The following RANBP2 variants were observed in gnomAD, a reference collection of about 807,000 sequenced individuals.
RANBP2 encodes the protein E3 SUMO-protein ligase RanBP2.
In RANBP2, 57 loss-of-function variants were observed where a neutral mutation model predicts 303.6. The ratio of observed to expected loss-of-function variants is 0.19; its 90% CI spans 0.15 to 0.23. RANBP2 has a LOEUF of 0.23. RANBP2 is among the 10% of genes least tolerant of loss of function. RANBP2 has a pLI of 1.00. For synonymous variants in RANBP2, 1,167 were observed against 1,301.5 expected (o/e 0.90, Z 2.23); for missense variants, 3,138 against 3,780.8 (o/e 0.83, Z 4.46).
chr2:109,413,764 G>A, the RANBP2 span, among the ~76,000 whole-genome samples: 1 of 152,234 alleles, frequency 6.6e-6, no homozygotes, highest in Non-Finnish European at 1.5e-5. Context: ...AGACTTCTCT[G>A]TTACTAACTA....
the RANBP2 span, among the ~76,000 whole-genome samples, chr2:109,078,122 T>C: frequency 0.016 from 1,024 of 63,998 alleles, 82 homozygotes; most frequent in Non-Finnish European, 0.019. Flanking sequence ...ATATATAGCG[T>C]GTATATATAT....
At chr2:109,618,790 G>C in the RANBP2 span, 1 of 167,010 alleles carries the variant, frequency 6.0e-6, no homozygotes, top group Non-Finnish European at 1.5e-5. Flanking sequence ...CTTGAAACTA[G>C]TGAGTGTTTG....
At chr2:109,541,911 A>T in the RANBP2 span, among the ~76,000 whole-genome samples, 152 of 152,318 alleles carry the variant, frequency 1.0e-3, 1 homozygote, top group African/African-American at 3.6e-3. Flanking sequence ...CTGGCCCAAT[A>T]GGAACACGGG....
the RANBP2 span, among the ~76,000 whole-genome samples, chr2:109,293,374 A>C: frequency 2.8e-3 from 427 of 152,354 alleles, 5 homozygotes; most frequent in African/African-American, 9.7e-3. Flanking sequence ...AATCTGGGAA[A>C]GGGGCTGCAG....
At chr2:109,490,806 G>T in the RANBP2 span, 1 of 1,536,988 alleles carries the variant, frequency 6.5e-7, no homozygotes, top group Non-Finnish European at 8.7e-7. Context: ...CGAGATGCAG[G>T]GTGCCATGGG....
At chr2:109,251,222 C>G in the RANBP2 span, among the ~76,000 whole-genome samples, 1 of 152,050 alleles carries the variant, frequency 6.6e-6, no homozygotes, top group Non-Finnish European at 1.5e-5. Flanking sequence ...AGGCTGGTCT[C>G]GAACTCCTTA....
chr2:108,929,529 A>G, the RANBP2 span: 4 of 810,726 alleles, frequency 4.9e-6, no homozygotes, highest in African/African-American at 5.1e-5. Flanking sequence ...TAACTGCAAA[A>G]CCCCCCAGGA....
At chr2:108,828,333 TTA>T in the RANBP2 span, among the ~76,000 whole-genome samples, 3 of 152,288 alleles carry the variant, frequency 2.0e-5, no homozygotes, top group East Asian at 3.9e-4. Context: ...CATAAAACTT[TTA>T]TATGTCAAAG....
At chr2:109,422,768 T>G in the RANBP2 span, among the ~76,000 whole-genome samples, 1 of 151,976 alleles carries the variant, frequency 6.6e-6, no homozygotes, top group Non-Finnish European at 1.5e-5. Flanking sequence ...TTGCCCCTGA[T>G]TTTGAAGGGT....
At chr2:109,713,396 G>A in the RANBP2 span, among the ~76,000 whole-genome samples, 7 of 152,132 alleles carry the variant, frequency 4.6e-5, no homozygotes, top group Non-Finnish European at 8.8e-5. Context: ...GGAGGTAGAA[G>A]CCAAGCAGGA....
chr2:109,615,039 G>C, the RANBP2 span: 4 of 1,548,268 alleles, frequency 2.6e-6, no homozygotes, highest in South Asian at 2.4e-5. Context: ...ACATGGCTGC[G>C]AGGAGGCGGA....
the RANBP2 span, among the ~76,000 whole-genome samples, chr2:109,514,239 G>A: frequency 6.6e-6 from 1 of 152,148 alleles, no homozygotes; most frequent in African/African-American, 2.4e-5. Flanking sequence ...GGCTGTTTCT[G>A]GAATCTTATT....
the RANBP2 span, among the ~76,000 whole-genome samples, chr2:109,510,072 C>T: frequency 6.6e-6 from 1 of 152,104 alleles, no homozygotes; most frequent in African/African-American, 2.4e-5. Context: ...ATTCACAAGG[C>T]AGGAAGAGGG....
intron 7 of RANBP2, among the ~76,000 whole-genome samples, chr2:108,743,182 T>A (rs1383782056): frequency 6.6e-6 from 1 of 152,250 alleles, no homozygotes; most frequent in East Asian, 1.9e-4. Flanking sequence ...TGCAGTTGCA[T>A]AATCATAGCT....
chr2:109,647,321 G>A, the RANBP2 span, among the ~76,000 whole-genome samples: 4 of 151,668 alleles, frequency 2.6e-5, no homozygotes, highest in Admixed American at 6.6e-5. Context: ...GTGCCACCAC[G>A]GCCAGATAAT....
the RANBP2 span, among the ~76,000 whole-genome samples, chr2:109,216,964 G>T: frequency 6.6e-6 from 1 of 152,000 alleles, no homozygotes; most frequent in Non-Finnish European, 1.5e-5. Flanking sequence ...CACCCTCCAG[G>T]CCCTGGCACC....
the RANBP2 span, among the ~76,000 whole-genome samples, chr2:109,698,788 G>A: frequency 7.4e-4 from 112 of 151,974 alleles, 2 homozygotes; most frequent in East Asian, 0.02. Context: ...TTAGCTGGGC[G>A]TGGTGGCACG....
chr2:109,427,832 G>C, the RANBP2 span, among the ~76,000 whole-genome samples: 3 of 152,256 alleles, frequency 2.0e-5, no homozygotes, highest in Admixed American at 2.0e-4. Flanking sequence ...GCCAGACCAT[G>C]ATGTCAGCCC....
chr2:109,463,999 C>T, the RANBP2 span, among the ~76,000 whole-genome samples: 1 of 152,138 alleles, frequency 6.6e-6, no homozygotes. Context: ...GACCCTCGCT[C>T]GGGAGGGTCC....
Sources: allele counts gnomAD v4.1 joint callset (sites outside exome capture counted in the v4.1 genomes callset), GRCh38; gene constraint gnomAD v4.1.1; transcripts MANE v1.5; gene names NCBI Gene and HGNC (gene_info 2026-07-23, HGNC 2026-07-21).